Variants in RPS14 observed in about 807,000 individuals in gnomAD.
The protein encoded by RPS14 is small ribosomal subunit protein uS11.
A neutral mutation model predicts 15.4 loss-of-function variants in RPS14; 1 was observed. That is an observed-to-expected ratio of 0.07 (90% CI 0.02 to 0.31). The LOEUF is 0.31. RPS14 is among the 10% of genes least tolerant of loss of function. RPS14 has a pLI of 1.00. For synonymous variants in RPS14, 68 were observed against 74.4 expected (o/e 0.91, Z 0.44); for missense variants, 69 against 205.5 (o/e 0.34, Z 4.06).
At chr5:150,448,053 G>A (rs1771157946) in intron 1 of RPS14, 2 of 255,550 alleles carry the variant, frequency 7.8e-6, no homozygotes, top group Non-Finnish European at 1.5e-5. Flanking sequence ...ACCCCAAAAG[G>A]CAAGAAGAAA....
chr5:150,445,444 G>T, intron 4 of RPS14, 165 bp downstream of exon 4: 1 of 721,514 alleles, frequency 1.4e-6, no homozygotes. Flanking sequence ...GAGATATTCA[G>T]GGAGAGATTT....
intron 1 of RPS14, chr5:150,448,626 A>T (rs1380213891): frequency 6.6e-6 from 1 of 152,172 alleles, no homozygotes; most frequent in African/African-American, 2.4e-5. Flanking sequence ...GAAGATAGAG[A>T]GTGTCTCAGC....
chr5:150,445,586 A>G (rs1466193619), intron 4 of RPS14, 23 bp downstream of exon 4: 3 of 1,610,654 alleles, frequency 1.9e-6, no homozygotes, highest in Non-Finnish European at 2.5e-6. Flanking sequence ...AAACCCAAGC[A>G]TTAGCTAGAG....
intron 1 of RPS14, 99 bp from the exon 2 acceptor site, chr5:150,447,834 CCT>C (rs1463240758): frequency 1.5e-6 from 2 of 1,305,662 alleles, no homozygotes; most frequent in Non-Finnish European, 2.2e-6. Flanking sequence ...GCTTCATGTC[CCT>C]GTCTTCTTCC....
At chr5:150,444,722 GA>G in intron 4 of RPS14, 1 of 463,250 alleles carries the variant, frequency 2.2e-6, no homozygotes, top group Non-Finnish European at 4.3e-6. Flanking sequence ...AAAAAAGTCT[GA>G]AAAAATCTTT....
Position 150,444,221 on chromosome 5 carries a change from G to T in RPS14, c.*65C>A. 1.3e-6 allele frequency: 2 copies of T among 1,551,678 alleles called. No individual in the cohort carries two copies. The highest frequency in any genetic ancestry group is 8.7e-7 in the Non-Finnish European group (1 of 1,144,860). ...GAGTAGCCCCTGATGAAGGAGAGAA[G>T]GCTGGAGTTGAAACAGTTTACATGA... On this transcript the variant is annotated 3_prime_UTR_variant, in exon 5 of 5. Transcript: ENST00000407193.
In RPS14 at chr5:150,447,582, C is replaced by T. The variant is rs763764532; in HGVS notation, c.149+3G>A. 8 of 1,612,536 alleles carry T rather than the reference C, an allele frequency of 5.0e-6. No individual in the cohort carries two copies. Among genetic ancestry groups the T allele is most frequent in the Non-Finnish European group, 5.1e-6 (6 of 1,179,830 alleles). On this transcript the variant is annotated splice_donor_region_variant and intron_variant, in intron 2 of 4. Coordinates refer to ENST00000407193, the MANE Select transcript of RPS14 (RefSeq NM_005617.4). ...CTGGATGCCTCTCCACCCAGGTACT[C>T]ACTTGCCAGAAAGATCAGTGACATG...
At position 150,447,108 on chromosome 5, in the gene RPS14, T is replaced by C. The variant is rs550129517; in HGVS notation, c.150-145A>G. On this transcript the variant is annotated intron_variant, in intron 2 of 4. Transcript: ENST00000407193. ...CCTCATGGAGTTCAGTCCAGTGGGG[T>C]TGAATGGCCCAATATAGCTATACTC... 8.8e-5 allele frequency: 74 copies of C among 840,476 alleles called. 1 individual carries two copies. The African/African-American group carries it at 9.1e-4, about 10-fold the overall frequency. The allele number at this position is 840,476 out of a possible 1,614,324, so 52.1% of individuals were successfully genotyped here.
intron 4 of RPS14, 104 bp from the exon 5 acceptor site, chr5:150,444,457 T>G (rs1161324803): frequency 8.9e-6 from 8 of 898,778 alleles, no homozygotes; most frequent in Non-Finnish European, 1.3e-5. Context: ...ATCCTGCTGC[T>G]CCCCAAATGA....
chr5:150,444,622 C>A (rs764512638), intron 4 of RPS14: 1 of 643,694 alleles, frequency 1.6e-6, no homozygotes, highest in South Asian at 1.5e-5. Flanking sequence ...CAGGTTCTGA[C>A]ATCTAGCCCA....
Position 150,444,152 on chromosome 5 carries a change from C to G in RPS14, c.*134G>C, listed in dbSNP as rs530927450. On this transcript the variant is annotated 3_prime_UTR_variant, in exon 5 of 5. Coordinates refer to ENST00000407193, the MANE Select transcript of RPS14 (RefSeq NM_005617.4). The stretch of plus-strand genomic sequence containing the variant: ...CCAGGATCTCAGCTCTCCTCAGGCT[C>G]CTTTCTCCCAAGAAGCCAAATAGGA... 86 of 1,362,120 alleles carry G rather than the reference C, an allele frequency of 6.3e-5. No homozygotes were observed. The South Asian group carries it at 1.2e-3, about 20-fold the overall frequency. The allele number at this position is 1,362,120 out of a possible 1,614,324, so 84.4% of individuals were successfully genotyped here.
intron 4 of RPS14, chr5:150,444,602 A>G: frequency 1.5e-6 from 1 of 663,310 alleles, no homozygotes; most frequent in Non-Finnish European, 2.8e-6. Flanking sequence ...TCAGAGGCAC[A>G]GGACAAATCC....
At position 150,446,624 on chromosome 5, in the gene RPS14, T is replaced by C. The variant is rs1193372664; in HGVS notation, c.311+178A>G. On this transcript the variant is annotated intron_variant, in intron 3 of 4. Transcript: ENST00000407193. The surrounding 1 kb of genome is among the most constrained non-coding windows in gnomAD (Gnocchi z 4.2). ...CTGAAACACAGCTCCTAGTATACAG[T>C]GGGTGCTCAACACTGAGCTGCTGGG... Among the ~76,000 whole-genome samples, 1 of 152,170 alleles carries C rather than the reference T, an allele frequency of 6.6e-6. No homozygotes were observed. Among genetic ancestry groups the C allele is most frequent in the Non-Finnish European group, 1.5e-5 (1 of 68,028 alleles).
rs1771112703 is a variant in RPS14 at position 150,446,826 on chromosome 5, T to C, written c.287A>G (p.Lys96Arg). ...CCTATTTCCTCCTGTGGCCCGGAGT[T>C]TGATGTGTAGGGCGGTGATACCCAG... ...KELGITALHI[K>R]LRATGGNRTK... Residue 96 changes from lysine (K) to arginine (R), a missense_variant, in exon 3 of 5, where the codon AAA becomes AGA. Physicochemically the swap from Lys to Arg is conservative, Grantham distance 26 (BLOSUM62 2). Transcript: ENST00000407193. This position sits in a 1 kb window ranked among gnomAD's most constrained non-coding sequence, Gnocchi z 4.2. The C allele has an allele frequency of 2.5e-6, 4 of 1,614,030 alleles. No homozygotes were observed. The highest frequency in any genetic ancestry group is 2.5e-6 in the Non-Finnish European group (3 of 1,180,020).
chr5:150,447,662 T>C lies in RPS14; in HGVS notation c.72A>G (p.Gly24=), dbSNP rs748371054. 7.4e-6 allele frequency: 12 copies of C among 1,613,930 alleles called. No individual in the cohort carries two copies. The highest frequency in any genetic ancestry group is 1.3e-5 in the African/African-American group (1 of 74,924). ...VISLGPQVAE[G]ENVFGVCHIF... ...TATGGCAGACACCAAATACATTCTC[T>C]CCTTCAGCCACCTGAGGTCCGAGGC... The change falls in exon 2 of 5, where the codon GGA becomes GGG. Residue 24 remains glycine (G), a synonymous_variant. Coordinates refer to ENST00000407193, the MANE Select transcript of RPS14 (RefSeq NM_005617.4).
rs1226076414 is a variant in RPS14 at position 150,442,837 on chromosome 5, TAC to T, written c.*1447_*1448del. The stretch of plus-strand genomic sequence containing the variant: ...CCTCAGCCTCCCAAGTAGCTGGCAG[TAC>T]AGACGTGTGCCACCATGCCCAGCTA... On this transcript the variant is annotated 3_prime_UTR_variant, in exon 5 of 5. Transcript: ENST00000407193. The T allele has an allele frequency of 6.6e-6, 1 of 152,246 alleles. No homozygotes were observed. Among genetic ancestry groups the T allele is most frequent in the Non-Finnish European group, 1.5e-5 (1 of 68,106 alleles). 9.4% of individuals were successfully genotyped at this position (152,246 alleles called of 1,614,324 possible). A position where few individuals can be genotyped will look rare whatever the true frequency, so the allele number is the denominator to read the frequency against.
chr5:150,447,492 CT>C, intron 2 of RPS14, 92 bp downstream of exon 2: 1 of 1,288,676 alleles, frequency 7.8e-7, no homozygotes, highest in Non-Finnish European at 1.1e-6. Context: ...AACAGCATTT[CT>C]TTAGAGAGAA....
Position 150,443,728 on chromosome 5 carries a change from C to T in RPS14, c.*558G>A, listed in dbSNP as rs1304499382. ...GAGCCGCATGCAAGCTTCCGGAAAG[C>T]AAGAACTTTTCTTTTTTATCGCTGA... On this transcript the variant is annotated 3_prime_UTR_variant, in exon 5 of 5. Coordinates refer to ENST00000407193, the MANE Select transcript of RPS14 (RefSeq NM_005617.4). The T allele has an allele frequency of 6.6e-6, 1 of 152,222 alleles. No individual in the cohort carries two copies. Among genetic ancestry groups the T allele is most frequent in the Admixed American group, 6.5e-5 (1 of 15,270 alleles). 9.4% of individuals were successfully genotyped at this position (152,222 alleles called of 1,614,324 possible).
Position 150,443,304 on chromosome 5 carries a change from C to CT in RPS14, c.*981dup, listed in dbSNP as rs1027798944. 1 of 152,110 alleles carries CT rather than the reference C, an allele frequency of 6.6e-6. No homozygotes were observed. Among genetic ancestry groups the CT allele is most frequent in the African/African-American group, 2.4e-5 (1 of 41,398 alleles). 9.4% of individuals were successfully genotyped at this position (152,110 alleles called of 1,614,324 possible). A position where few individuals can be genotyped will look rare whatever the true frequency, so the allele number is the denominator to read the frequency against. On this transcript the variant is annotated 3_prime_UTR_variant, in exon 5 of 5. Coordinates refer to ENST00000407193, the MANE Select transcript of RPS14 (RefSeq NM_005617.4). ...TTAGGTATATCTCCTAATGCTATCC[C>CT]TCCCGCCTCCCCAGGAGTACTGTTA...
Sources: gnomAD v4.1 joint callset for allele counts (sites outside exome capture counted in the v4.1 genomes callset) on GRCh38, gnomAD v4.1.1 for gene constraint, Gnocchi (gnomAD v3.1) non-coding constraint, MANE v1.5 for transcripts, NCBI Gene and HGNC (gene_info 2026-07-23, HGNC 2026-07-21) for gene names.